Variants in EXOC4 observed in about 807,000 individuals in gnomAD.
EXOC4 encodes exocyst complex component 4.
Under a neutral mutation model 107.2 loss-of-function variants are expected in EXOC4, and 71 were observed. That is an observed-to-expected ratio of 0.66 (90% CI 0.55 to 0.81). The LOEUF is 0.81. Ranked by LOEUF, EXOC4 falls within the 30% of genes least tolerant of loss-of-function variation. The pLI, the probability that EXOC4 is intolerant of heterozygous loss-of-function variation, is 0.00. For missense variants in EXOC4, 1,108 were observed against 1,189.6 expected, an observed-to-expected ratio of 0.93 and a Z score of 1.01; for synonymous variants, 456 against 441.2, an observed-to-expected ratio of 1.03 and a Z score of -0.42.
chr7:134,071,676 T>C, the EXOC4 span, among the ~76,000 whole-genome samples: 1 of 152,202 alleles, frequency 6.6e-6, no homozygotes, highest in South Asian at 2.1e-4. Context: ...CCTATTATCA[T>C]CCTTGCTTTA....
chr7:133,300,747 G>T (rs376715333), intron 3 of EXOC4, among the ~76,000 whole-genome samples: 2 of 152,296 alleles, frequency 1.3e-5, no homozygotes, highest in African/African-American at 4.8e-5. Context: ...GTGCTGTGAT[G>T]TCCCAGATCT....
At chr7:133,888,024 T>C (rs2116481795) in intron 11 of EXOC4, among the ~76,000 whole-genome samples, 1 of 152,320 alleles carries the variant, frequency 6.6e-6, no homozygotes, top group African/African-American at 2.4e-5. Flanking sequence ...GACTGTAATT[T>C]GGCTTCCTAT....
Position 133,597,528 on chromosome 7 carries a change from T to C in EXOC4, c.1418-32517T>C, listed in dbSNP as rs1476425162. Among the ~76,000 whole-genome samples, 7 of 120,360 alleles carry C rather than the reference T, an allele frequency of 5.8e-5. No individual in the cohort carries two copies. In the South Asian group the frequency reaches 1.9e-3, roughly 33 times the overall value. The allele number at this position is 120,360 out of a possible 152,430, so 79.0% of individuals were successfully genotyped here. On this transcript the variant is annotated intron_variant, in intron 9 of 17. Transcript: ENST00000253861. ...GAGATCGCACCATTGCACTCCAGCC[T>C]GGGCAAGAAGAGCGAAACTCTGTTT...
At chr7:133,839,321 A>G (rs945442264) in intron 11 of EXOC4, among the ~76,000 whole-genome samples, 4 of 152,090 alleles carry the variant, frequency 2.6e-5, no homozygotes, top group Admixed American at 1.3e-4. Flanking sequence ...CTCTGATCCT[A>G]TTTGGATAAT....
chr7:133,917,495 C>G, intron 12 of EXOC4, 88 bp from the exon 13 acceptor site: 3 of 1,354,338 alleles, frequency 2.2e-6, no homozygotes, highest in Non-Finnish European at 3.1e-6. Flanking sequence ...AGTGTGATTT[C>G]TTTTTTCCTG....
chr7:133,686,307 T>G (rs1794297272), intron 10 of EXOC4, among the ~76,000 whole-genome samples: 1 of 152,204 alleles, frequency 6.6e-6, no homozygotes, highest in Non-Finnish European at 1.5e-5. Flanking sequence ...TCGAAACATA[T>G]TTTGAGTTCA....
At chr7:133,451,245 A>C (rs1012741404) in intron 7 of EXOC4, among the ~76,000 whole-genome samples, 14 of 149,982 alleles carry the variant, frequency 9.3e-5, no homozygotes, top group African/African-American at 2.2e-4. Context: ...AATCTTTTGC[A>C]TTCATAGATA....
chr7:133,532,324 G>T (rs1156309761), intron 9 of EXOC4, among the ~76,000 whole-genome samples: 10 of 151,970 alleles, frequency 6.6e-5, no homozygotes. Context: ...AAACGTAAAA[G>T]GAGGGATGGG....
chr7:133,498,657 T>C (rs529500942), intron 9 of EXOC4, among the ~76,000 whole-genome samples: 3 of 152,336 alleles, frequency 2.0e-5, no homozygotes, highest in Admixed American at 2.0e-4. Context: ...CCATCATCTC[T>C]TGGTTGTTCC....
intron 9 of EXOC4, among the ~76,000 whole-genome samples, chr7:133,610,638 G>C (rs927155398): frequency 6.6e-5 from 10 of 151,332 alleles, no homozygotes; most frequent in Non-Finnish European, 1.3e-4. Flanking sequence ...TTATATTCTT[G>C]AATAGAGCTC....
Position 133,686,991 on chromosome 7 carries a change from TTTTGTGTGTGTGTGTGTGTG to T in EXOC4, c.1514+56852_1514+56871del, listed in dbSNP as rs1339354710. 5.8e-4 allele frequency among the ~76,000 whole-genome samples: 84 copies of T among 144,762 alleles called. 1 individual carries two copies. The highest frequency in any genetic ancestry group is 1.7e-3 in the African/African-American group (65 of 38,702). 95.0% of individuals were successfully genotyped at this position (144,762 alleles called of 152,430 possible). ...TATCAATCAATGAGGGGATAAAGAATTTTGTGTGTGTGTGTGTGTGTGTGTGTGTGTGTGTGTGTGTGTGT... is the reference window on the plus strand; with the variant it reads ...TATCAATCAATGAGGGGATAAAGAATTGTGTGTGTGTGTGTGTGTGTGTGT... On this transcript the variant is annotated intron_variant, in intron 10 of 17. Transcript: ENST00000253861.
At chr7:133,780,782 G>A (rs576164849) in intron 10 of EXOC4, among the ~76,000 whole-genome samples, 2 of 152,136 alleles carry the variant, frequency 1.3e-5, no homozygotes, top group Non-Finnish European at 2.9e-5. Flanking sequence ...ACCAACAGCT[G>A]TGCTCCCCAA....
At chr7:133,595,898 T>C (rs1279545038) in intron 9 of EXOC4, among the ~76,000 whole-genome samples, 3 of 152,204 alleles carry the variant, frequency 2.0e-5, no homozygotes, top group Admixed American at 6.5e-5. Context: ...ACCTTGCCTC[T>C]GTCTTCTCTG....
chr7:134,071,095 T>C (rs1796268061), downstream of EXOC4, among the ~76,000 whole-genome samples: 1 of 152,224 alleles, frequency 6.6e-6, no homozygotes, highest in African/African-American at 2.4e-5. Context: ...ATGGAACACT[T>C]CATGTGTATC....
At chr7:133,868,376 A>C (rs1192588696) in intron 11 of EXOC4, among the ~76,000 whole-genome samples, 1 of 152,216 alleles carries the variant, frequency 6.6e-6, no homozygotes, top group Non-Finnish European at 1.5e-5. Flanking sequence ...AATTTTTGGC[A>C]TCCAGTATAT....
At chr7:133,278,017 T>C (rs1197506151) in intron 2 of EXOC4, among the ~76,000 whole-genome samples, 1 of 152,040 alleles carries the variant, frequency 6.6e-6, no homozygotes, top group African/African-American at 2.4e-5. Flanking sequence ...TAGATCTGAG[T>C]TGAAATTTTC....
At chr7:133,649,718 G>A (rs1803092452) in intron 10 of EXOC4, among the ~76,000 whole-genome samples, 1 of 152,086 alleles carries the variant, frequency 6.6e-6, no homozygotes, top group African/African-American at 2.4e-5. Flanking sequence ...TCTCAGAAGC[G>A]CTGGTGTAGT....
chr7:133,729,535 G>A (rs1795283126), intron 10 of EXOC4, among the ~76,000 whole-genome samples: 1 of 152,084 alleles, frequency 6.6e-6, no homozygotes, highest in African/African-American at 2.4e-5. Context: ...TGTCAGCTCA[G>A]TTCACTGCAT....
At chr7:133,690,466 T>C (rs1321177215) in intron 10 of EXOC4, among the ~76,000 whole-genome samples, 1 of 152,168 alleles carries the variant, frequency 6.6e-6, no homozygotes, top group Non-Finnish European at 1.5e-5. Context: ...CTCTCCTTCC[T>C]GCTGATGCAG....
Sources: allele counts gnomAD v4.1 joint callset (sites outside exome capture counted in the v4.1 genomes callset), GRCh38; gene constraint gnomAD v4.1.1; transcripts MANE v1.5; gene names NCBI Gene and HGNC (gene_info 2026-07-23, HGNC 2026-07-21).